The following BICD2 variants were observed in gnomAD, a reference collection of about 807,000 sequenced individuals.
The protein encoded by BICD2 is protein bicaudal D homolog 2.
A neutral mutation model predicts 72.9 loss-of-function variants in BICD2; 25 were observed. The observed-to-expected ratio is 0.34, with a 90% CI of 0.25 to 0.48. The LOEUF (loss-of-function observed/expected upper bound fraction) is 0.48, where lower values mean the gene tolerates loss of function less well. BICD2 is among the 20% of genes least tolerant of loss of function. BICD2 has a pLI of 0.99. For synonymous variants in BICD2, 501 were observed against 516.1 expected, an observed-to-expected ratio of 0.97 and a Z score of 0.40; for missense variants, 894 against 1,175.2, an observed-to-expected ratio of 0.76 and a Z score of 3.50.
intron 6 of BICD2, among the ~76,000 whole-genome samples, chr9:92,716,382 A>AT (rs574028374): frequency 8.3e-4 from 127 of 152,212 alleles, no homozygotes; most frequent in African/African-American, 2.5e-3. Context: ...AAACTGTGGG[A>AT]TTTTTTCCCC....
At chr9:92,748,442 C>G (rs951808428) in intron 1 of BICD2, among the ~76,000 whole-genome samples, 2 of 152,060 alleles carry the variant, frequency 1.3e-5, no homozygotes, top group African/African-American at 4.8e-5. Flanking sequence ...TGAGTGTGGC[C>G]CCTGAGCTTT....
rs529408978 is a variant in BICD2 at position 92,713,428 on chromosome 9, G to A, written c.*1726C>T. The A allele has an allele frequency of 2.2e-4, 342 of 1,582,854 alleles. 5 individuals are homozygous for A. In the South Asian group the frequency reaches 3.1e-3, roughly 14 times the overall value. ...GAAGGGGCTGCAGTGTGACAGGGCC[G>A]GGTGGCCAAGTCCTCCTGGCAGCTA... is the stretch of plus-strand genomic sequence containing the variant. On this transcript the variant is annotated 3_prime_UTR_variant, in exon 7 of 7. Coordinates refer to ENST00000356884, the MANE Select transcript of BICD2 (RefSeq NM_001003800.2).
At chr9:92,749,265 C>T (rs1259355304) in intron 1 of BICD2, among the ~76,000 whole-genome samples, 1 of 152,204 alleles carries the variant, frequency 6.6e-6, no homozygotes, top group Non-Finnish European at 1.5e-5. Context: ...AAGCTGTACG[C>T]TGCAGGACCA....
chr9:92,756,074 A>T (rs1460360828), intron 1 of BICD2, among the ~76,000 whole-genome samples: 1 of 152,164 alleles, frequency 6.6e-6, no homozygotes, highest in Non-Finnish European at 1.5e-5. Context: ...GACAGTGACA[A>T]TACTAGTTCC....
intron 1 of BICD2, among the ~76,000 whole-genome samples, chr9:92,755,833 A>G (rs1854243147): frequency 6.6e-6 from 1 of 152,226 alleles, no homozygotes; most frequent in Non-Finnish European, 1.5e-5. Context: ...ATGCCTGCAA[A>G]GCAGCTGCGT....
At chr9:92,740,533 G>A (rs930074473) in intron 1 of BICD2, among the ~76,000 whole-genome samples, 11 of 151,898 alleles carry the variant, frequency 7.2e-5, no homozygotes, top group African/African-American at 2.2e-4. Flanking sequence ...GTGCTGGGGC[G>A]GGGAGGGGGG....
intron 1 of BICD2, among the ~76,000 whole-genome samples, chr9:92,742,147 A>G (rs1853909112): frequency 6.6e-6 from 1 of 152,244 alleles, no homozygotes; most frequent in Non-Finnish European, 1.5e-5. Context: ...TGGGTACCAC[A>G]GCTACAGACC....
At chr9:92,757,211 G>A (rs1564073918) in intron 1 of BICD2, among the ~76,000 whole-genome samples, 2 of 151,420 alleles carry the variant, frequency 1.3e-5, no homozygotes, top group East Asian at 2.0e-4. Flanking sequence ...CTACTTTGGA[G>A]GCTGAGGTAG....
chr9:92,752,545 A>G (rs929693425), intron 1 of BICD2, among the ~76,000 whole-genome samples: 1 of 152,214 alleles, frequency 6.6e-6, no homozygotes, highest in Non-Finnish European at 1.5e-5. Context: ...AGATAGGAGA[A>G]GTACATAAGC....
Position 92,719,441 on chromosome 9 carries a change from C to T in BICD2, c.1204G>A (p.Ala402Thr), listed in dbSNP as rs1281358234. Residue 402 changes from alanine (A) to threonine (T), a missense_variant, in exon 5 of 7, where the codon GCC (alanine) becomes ACC (threonine). This residue lies in a region of BICD2 where 371 missense variants were observed against 439.1 expected (regional missense o/e 0.84). Coordinates refer to ENST00000356884, the MANE Select transcript of BICD2 (RefSeq NM_001003800.2). ...AGGGCTGTCTGCCGCTCCTTGCTGG[C>T]CTGCAGGCGCCGCAGGGCACTCAGA... is the stretch of plus-strand genomic sequence containing the variant. The part of the protein sequence containing the change: ...ENLSALRRLQ[A>T]SKERQTALDN... 7.4e-6 allele frequency: 12 copies of T among 1,614,150 alleles called. No homozygotes were observed. The highest frequency in any genetic ancestry group is 1.0e-5 in the Non-Finnish European group (12 of 1,180,036).
chr9:92,753,835 G>A (rs922591236), intron 1 of BICD2, among the ~76,000 whole-genome samples: 9 of 151,878 alleles, frequency 5.9e-5, no homozygotes, highest in Admixed American at 5.2e-4. Context: ...CACCGTGCCC[G>A]GCCGGTAGCA....
rs1587665619 is a variant in BICD2, at chr9:92,715,073, A to C, written c.*81T>G. 1 of 1,504,366 alleles carries C rather than the reference A, an allele frequency of 6.6e-7. No homozygotes were observed. Among genetic ancestry groups the C allele is most frequent in the Non-Finnish European group, 8.9e-7 (1 of 1,124,844 alleles). The allele number at this position is 1,504,366 out of a possible 1,614,324, so 93.2% of individuals were successfully genotyped here. Reference sequence around the variant, plus strand: ...CTGTGCATTAGTCACGTTAAGATTGACCTAGCACCGCCGTCCCGCTGCTGC... The same window carrying C: ...CTGTGCATTAGTCACGTTAAGATTGCCCTAGCACCGCCGTCCCGCTGCTGC... On this transcript the variant is annotated 3_prime_UTR_variant, in exon 7 of 7. Transcript: ENST00000356884.
chr9:92,759,904 G>A (rs1179599995), intron 1 of BICD2, among the ~76,000 whole-genome samples: 1 of 152,232 alleles, frequency 6.6e-6, no homozygotes. Flanking sequence ...CAAAGGAAGG[G>A]ACTGTGGTCC....
chr9:92,715,868 T>C (rs1853301160), intron 6 of BICD2, among the ~76,000 whole-genome samples: 1 of 152,160 alleles, frequency 6.6e-6, no homozygotes, highest in Non-Finnish European at 1.5e-5. Context: ...CATCAAGACA[T>C]GGAGAAGCCA....
In BICD2 at chr9:92,713,848, A is replaced by G. The variant is rs1468829695; in HGVS notation, c.*1306T>C. The G allele has an allele frequency of 1.9e-6, 2 of 1,050,720 alleles. No homozygotes were observed. Among genetic ancestry groups the G allele is most frequent in the Non-Finnish European group, 2.3e-6 (2 of 868,460 alleles). 65.1% of individuals were successfully genotyped at this position (1,050,720 alleles called of 1,614,324 possible). On this transcript the variant is annotated 3_prime_UTR_variant, in exon 7 of 7. Coordinates refer to ENST00000356884, the MANE Select transcript of BICD2 (RefSeq NM_001003800.2). ...AAAGGGAAGAACGCGCAGGGCAGAG[A>G]GCTGTGGGAGGGGGCAACACGGTCT...
intron 1 of BICD2, among the ~76,000 whole-genome samples, chr9:92,756,875 A>G (rs1447796551): frequency 5.3e-5 from 8 of 151,422 alleles, no homozygotes; most frequent in Non-Finnish European, 1.2e-4. Flanking sequence ...TCAAAAAAAA[A>G]AAAAGGAAAT....
chr9:92,755,629 A>G (rs1221559134), intron 1 of BICD2, among the ~76,000 whole-genome samples: 1 of 152,200 alleles, frequency 6.6e-6, no homozygotes, highest in Non-Finnish European at 1.5e-5. Context: ...TTACGTGAAT[A>G]TCGGGGCATG....
At chr9:92,754,282 G>T (rs918689434) in intron 1 of BICD2, among the ~76,000 whole-genome samples, 1 of 152,188 alleles carries the variant, frequency 6.6e-6, no homozygotes, top group African/African-American at 2.4e-5. Flanking sequence ...TGGGTGTTCT[G>T]AAATGGAATG....
In BICD2 at chr9:92,720,534, C is replaced by A; in HGVS notation, c.828G>T (p.Leu276=). 1 of 1,614,196 alleles carries A rather than the reference C, an allele frequency of 6.2e-7. No individual in the cohort carries two copies. The highest frequency in any genetic ancestry group is 8.5e-7 in the Non-Finnish European group (1 of 1,180,038). Residue 276 remains leucine (L), a synonymous_variant, in exon 4 of 7, where the codon CTG becomes CTT. Coordinates refer to ENST00000356884, the MANE Select transcript of BICD2 (RefSeq NM_001003800.2). This position sits in a 1 kb window ranked among gnomAD's most constrained non-coding sequence, Gnocchi z 5.4. ...SINDSFYTSH[L]HVSLDGLKFS... is the part of the protein sequence containing the mutation. ...ACTTGAGGCCATCCAGCGAGACATG[C>A]AGGTGGCTGGTGTAGAAGGAGTCAT...
Sources: allele counts gnomAD v4.1 joint callset (sites outside exome capture counted in the v4.1 genomes callset), GRCh38; gene constraint gnomAD v4.1.1; regional missense constraint gnomAD v4.1.1; non-coding constraint Gnocchi (gnomAD v3.1); transcripts MANE v1.5; gene names NCBI Gene and HGNC (gene_info 2026-07-23, HGNC 2026-07-21).